SARDH: variants seen among roughly 807,000 people sequenced by gnomAD.
The protein encoded by SARDH is sarcosine dehydrogenase.
Under a neutral mutation model 109.1 loss-of-function variants are expected in SARDH, and 95 were observed. The observed-to-expected ratio is 0.87, with a 90% CI of 0.74 to 1.03. The LOEUF is 1.03. SARDH is among the 50% of genes least tolerant of loss of function. The probability of loss-of-function intolerance (pLI) is 0.00; values close to 1 mark genes in which losing one functional copy is unlikely to be tolerated. For synonymous variants in SARDH, 572 were observed against 534.8 expected (o/e 1.07, Z -0.96); for missense variants, 1,267 against 1,287.8 (o/e 0.98, Z 0.25).
At position 133,685,924 on chromosome 9, in the gene SARDH, C is replaced by T. The variant is rs530983703; in HGVS notation, c.2070-638G>A. 3.2e-4 allele frequency among the ~76,000 whole-genome samples: 49 copies of T among 152,302 alleles called. 1 individual carries two copies. In the Middle Eastern group the frequency reaches 0.01, roughly 32 times the overall value. On this transcript the variant is annotated intron_variant, in intron 16 of 20. Coordinates refer to ENST00000439388, the MANE Select transcript of SARDH (RefSeq NM_001134707.2). ...CAACTGGGCACCTCGGCCCCAAAGT[C>T]CTCTGCCTGACATGGGTGTGAGACG... is the stretch of plus-strand genomic sequence containing the variant.
At position 133,671,626 on chromosome 9, in the gene SARDH, C is replaced by T. The variant is rs978808997; in HGVS notation, c.2235G>A (p.Val745=). ...WELHIPKASC[V]PVYRAVMAAG... ...CGGCCATCACAGCCCGGTACACAGG[C>T]ACGCAGGACGCCTTTGGAATGTGCA... The change falls in exon 18 of 21, where the codon GTG becomes GTA. Residue 745 remains valine (V), a synonymous_variant. Transcript: ENST00000439388. 3 of 1,601,050 alleles carry T rather than the reference C, an allele frequency of 1.9e-6. No individual in the cohort carries two copies. The highest frequency in any genetic ancestry group is 2.6e-6 in the Non-Finnish European group (3 of 1,174,476).
intron 8 of SARDH, among the ~76,000 whole-genome samples, chr9:133,714,467 G>A (rs522676): frequency 0.68 from 103,737 of 152,050 alleles, 35,659 homozygotes; most frequent in African/African-American, 0.76. Flanking sequence ...CTCCAGAGAA[G>A]GTGACGATGG....
chr9:133,731,622 G>T, intron 3 of SARDH, 138 bp from the exon 4 acceptor site: 1 of 821,322 alleles, frequency 1.2e-6, no homozygotes, highest in African/African-American at 1.7e-5. Context: ...CGCCCCCGGA[G>T]CCTGTCCCTT....
intron 17 of SARDH, among the ~76,000 whole-genome samples, chr9:133,674,204 C>T (rs994075348): frequency 2.0e-5 from 3 of 152,240 alleles, no homozygotes; most frequent in Admixed American, 6.5e-5. Context: ...ACAGGCCAAG[C>T]GAGGACATCC....
intron 13 of SARDH, among the ~76,000 whole-genome samples, chr9:133,701,332 A>G (rs1831477460): frequency 6.6e-6 from 1 of 152,204 alleles, no homozygotes; most frequent in Non-Finnish European, 1.5e-5. Context: ...TGAGCTCTCC[A>G]TGGCTTCTCC....
chr9:133,730,248 C>T lies in SARDH; in HGVS notation c.691-61G>A. ...GGACTCCCCGGGGGTGCTTCCCACCCCACTCCAACCAACCCCTCCTCCCAG... is the reference window on the plus strand; with the variant it reads ...GGACTCCCCGGGGGTGCTTCCCACCTCACTCCAACCAACCCCTCCTCCCAG... On this transcript the variant is annotated intron_variant, in intron 4 of 20. Transcript: ENST00000439388. 9 of 1,590,794 alleles carry T rather than the reference C, an allele frequency of 5.7e-6. No individual in the cohort carries two copies. In the South Asian group the frequency reaches 1.0e-4, roughly 18 times the overall value.
intron 12 of SARDH, 137 bp from the exon 13 acceptor site, chr9:133,703,166 G>A: frequency 1.4e-6 from 1 of 733,012 alleles, no homozygotes; most frequent in East Asian, 2.7e-5. Flanking sequence ...GAGTGCCCGT[G>A]TGTTGTGGAC....
At chr9:133,685,138 C>A in intron 17 of SARDH, 55 bp downstream of exon 17, 2 of 1,505,884 alleles carry the variant, frequency 1.3e-6, no homozygotes, top group Non-Finnish European at 9.2e-7. Flanking sequence ...CCCGGCGCAC[C>A]CCTCACACCA....
chr9:133,717,506 C>T, intron 7 of SARDH, 51 bp from the exon 8 acceptor site: 2 of 1,606,090 alleles, frequency 1.2e-6, no homozygotes, highest in Non-Finnish European at 1.7e-6. Flanking sequence ...GAAGGCCATG[C>T]ATCCCCATGC....
intron 17 of SARDH, among the ~76,000 whole-genome samples, chr9:133,672,680 C>T (rs555545700): frequency 6.6e-6 from 1 of 152,356 alleles, no homozygotes; most frequent in East Asian, 1.9e-4. Context: ...CTGAAGACAG[C>T]CATAGCCTCT....
chr9:133,733,177 C>A (rs762086011), intron 2 of SARDH, among the ~76,000 whole-genome samples: 6 of 152,168 alleles, frequency 3.9e-5, no homozygotes, highest in Non-Finnish European at 8.8e-5. Context: ...CTTGTGGGAG[C>A]CGGCTCGCAT....
intron 16 of SARDH, among the ~76,000 whole-genome samples, chr9:133,688,212 G>A (rs129960): frequency 0.026 from 3,954 of 152,252 alleles, 73 homozygotes; most frequent in Middle Eastern, 0.072. Flanking sequence ...ACACAGCATC[G>A]CGGCTGCCTG....
chr9:133,670,910 C>T (rs1018509087), intron 18 of SARDH, among the ~76,000 whole-genome samples, 158 bp from the exon 19 acceptor site: 6 of 152,202 alleles, frequency 3.9e-5, no homozygotes, highest in Non-Finnish European at 2.9e-5. Flanking sequence ...ATCCCCAACT[C>T]CAGAAGGTTC....
intron 17 of SARDH, among the ~76,000 whole-genome samples, chr9:133,682,225 C>G (rs896223001): frequency 6.6e-6 from 1 of 151,950 alleles, no homozygotes; most frequent in Non-Finnish European, 1.5e-5. Context: ...GCACTGGAGA[C>G]GCAGCTGAGG....
Position 133,733,970 on chromosome 9 carries a change from GTT to G in SARDH, c.202_203del (p.Asn68ArgfsTer52). The G allele has an allele frequency of 1.2e-6, 2 of 1,611,540 alleles. No individual in the cohort carries two copies. The highest frequency in any genetic ancestry group is 1.7e-6 in the Non-Finnish European group (2 of 1,179,240). ...GPSRPLPSTANVVVIGGGSLG... is the reference protein window; with the variant it reads ...GPSRPLPSTAXVVVIGGGSLG... ...AGCTGCCTCCACCAATGACCACCAC[GTT>G]GGCCGTGCTGGGCAGGGGCCGGCTT... On this transcript the variant is annotated frameshift_variant, in exon 2 of 21. Coordinates refer to ENST00000439388, the MANE Select transcript of SARDH (RefSeq NM_001134707.2). LOFTEE classifies it high-confidence loss of function.
chr9:133,663,221 G>A (rs891053908), downstream of SARDH, among the ~76,000 whole-genome samples: 22 of 152,234 alleles, frequency 1.4e-4, no homozygotes, highest in African/African-American at 5.1e-4. Flanking sequence ...GTGTGGGTGA[G>A]GAGGGCACCA....
Position 133,730,099 on chromosome 9 carries a change from C to G in SARDH, c.779G>C (p.Gly260Ala). 6.2e-7 allele frequency: 1 copy of G among 1,614,228 alleles called. No individual in the cohort carries two copies. Among genetic ancestry groups the G allele is most frequent in the African/African-American group, 1.3e-5 (1 of 75,056 alleles). Residue 260 changes from glycine (G) to alanine (A), a missense_variant, in exon 5 of 21, where the codon GGT becomes GCT. Physicochemically the swap from Gly to Ala is moderately conservative, Grantham distance 60. Coordinates refer to ENST00000439388, the MANE Select transcript of SARDH (RefSeq NM_001134707.2). ...RRVAGVETQHGSIQTPCVVNC... is the reference protein window; with the variant it reads ...RRVAGVETQHASIQTPCVVNC... ...GACCACGCAGGGTGTCTGGATGGAA[C>G]CATGCTGAGTCTCCACACCCGCGAC...
intron 16 of SARDH, among the ~76,000 whole-genome samples, chr9:133,688,314 G>A (rs1367122184): frequency 6.6e-6 from 1 of 152,130 alleles, no homozygotes; most frequent in African/African-American, 2.4e-5. Context: ...TCATGCACGC[G>A]GAAGCTGTCT....
At chr9:133,668,176 G>A (rs1460490770) in intron 19 of SARDH, among the ~76,000 whole-genome samples, 1 of 151,796 alleles carries the variant, frequency 6.6e-6, no homozygotes, top group Non-Finnish European at 1.5e-5. Flanking sequence ...CAGGAGCTGA[G>A]CTGATTCAGG....
Sources: gnomAD v4.1 joint callset for allele counts (sites outside exome capture counted in the v4.1 genomes callset) on GRCh38, gnomAD v4.1.1 for gene constraint, MANE v1.5 for transcripts, NCBI Gene and HGNC (gene_info 2026-07-23, HGNC 2026-07-21) for gene names.